RNF2: variants seen among roughly 807,000 people sequenced by gnomAD.
RNF2 encodes the protein ring finger protein 2.
Under a neutral mutation model 37.2 loss-of-function variants are expected in RNF2, and 6 were observed. The ratio of observed to expected loss-of-function variants is 0.16; its 90% CI spans 0.09 to 0.32. RNF2 has a LOEUF of 0.32. Among genes scored for constraint, RNF2 ranks in the 10% least tolerant of loss-of-function variants. The probability of loss-of-function intolerance (pLI) is 1.00; values close to 1 mark genes in which losing one functional copy is unlikely to be tolerated. For missense variants in RNF2, 251 were observed against 404.0 expected (o/e 0.62, Z 3.25); for synonymous variants, 133 against 132.7 (o/e 1.00, Z -0.02).
chr1:185,048,860 T>C (rs1220975726), intron 1 of RNF2, among the ~76,000 whole-genome samples: 2 of 152,124 alleles, frequency 1.3e-5, no homozygotes, highest in Non-Finnish European at 2.9e-5. Context: ...CATTGCAGTT[T>C]CTTGGTGTTT....
chr1:185,050,487 T>C (rs984032574), intron 1 of RNF2, among the ~76,000 whole-genome samples: 1 of 152,256 alleles, frequency 6.6e-6, no homozygotes, highest in Non-Finnish European at 1.5e-5. Context: ...ACATAATTAT[T>C]ATTTTGTATT....
intron 1 of RNF2, among the ~76,000 whole-genome samples, chr1:185,081,875 AG>A (rs1395392152): frequency 6.6e-6 from 1 of 152,192 alleles, no homozygotes; most frequent in Admixed American, 6.5e-5. Flanking sequence ...GCTGGGATTC[AG>A]AAAACTGTAG....
rs1652091741 is a variant in RNF2 at position 185,101,942 on chromosome 1, GTA to G, written c.*1644_*1645del. 1 of 144,320 alleles carries G rather than the reference GTA, an allele frequency of 6.9e-6. No individual in the cohort carries two copies. The highest frequency in any genetic ancestry group is 2.6e-5 in the African/African-American group (1 of 38,548). 8.9% of individuals were successfully genotyped at this position (144,320 alleles called of 1,614,324 possible). A position where few individuals can be genotyped will look rare whatever the true frequency, so the allele number is the denominator to read the frequency against. On this transcript the variant is annotated 3_prime_UTR_variant, in exon 7 of 7. Coordinates refer to ENST00000367510, the MANE Select transcript of RNF2 (RefSeq NM_007212.4). ...CCTTTTCTGGTGTAATGTTAAAGTT[GTA>G]TAGATTATTAATGCATGCCCACTGA... is the stretch of plus-strand genomic sequence containing the variant.
chr1:185,080,219 C>T (rs1651305490), intron 1 of RNF2, among the ~76,000 whole-genome samples: 1 of 152,082 alleles, frequency 6.6e-6, no homozygotes, highest in African/African-American at 2.4e-5. Context: ...ATGTTAGTAT[C>T]TATACATAGG....
intron 2 of RNF2, among the ~76,000 whole-genome samples, chr1:185,090,433 C>T (rs1361189034): frequency 2.0e-5 from 3 of 152,062 alleles, no homozygotes; most frequent in South Asian, 4.1e-4. Context: ...TGATAGTTTC[C>T]TAAATCAAGT....
chr1:185,066,222 C>G (rs1650795479), intron 1 of RNF2, among the ~76,000 whole-genome samples: 1 of 152,112 alleles, frequency 6.6e-6, no homozygotes, highest in Admixed American at 6.6e-5. Context: ...TTCTTGATAC[C>G]TTTGTATTGC....
chr1:185,053,966 C>A (rs996120094), intron 1 of RNF2, among the ~76,000 whole-genome samples: 4 of 152,240 alleles, frequency 2.6e-5, no homozygotes, highest in African/African-American at 7.2e-5. Context: ...TAGCAGCGTT[C>A]ACTTAACCAG....
chr1:185,067,576 A>T (rs1276934828), intron 1 of RNF2, among the ~76,000 whole-genome samples: 2 of 152,184 alleles, frequency 1.3e-5, no homozygotes, highest in African/African-American at 2.4e-5. Flanking sequence ...TGAGAGAAAA[A>T]CATATCTCAT....
At chr1:185,069,468 A>C (rs1650899469) in intron 1 of RNF2, among the ~76,000 whole-genome samples, 1 of 151,462 alleles carries the variant, frequency 6.6e-6, no homozygotes, top group Admixed American at 6.6e-5. Context: ...AAAAAAAAAA[A>C]AAAAAAAGAA....
chr1:185,092,884 A>T (rs1426788786), intron 3 of RNF2, among the ~76,000 whole-genome samples, 177 bp from the exon 4 acceptor site: 1 of 152,114 alleles, frequency 6.6e-6, no homozygotes, highest in African/African-American at 2.4e-5. Flanking sequence ...GGTTTCCAAA[A>T]TCTTGCTTAC....
At chr1:185,072,398 G>C (rs1557965634) in intron 1 of RNF2, among the ~76,000 whole-genome samples, 1 of 151,928 alleles carries the variant, frequency 6.6e-6, no homozygotes, top group African/African-American at 2.4e-5. Context: ...CAAGGTATTG[G>C]GGATATTGTG....
chr1:185,088,111 T>C (rs780282630), intron 2 of RNF2, among the ~76,000 whole-genome samples: 1 of 152,216 alleles, frequency 6.6e-6, no homozygotes, highest in Non-Finnish European at 1.5e-5. Flanking sequence ...ATGCCAACTA[T>C]AGATGATTTT....
chr1:185,084,540 C>T (rs552458035), intron 1 of RNF2, among the ~76,000 whole-genome samples: 59 of 152,292 alleles, frequency 3.9e-4, no homozygotes, highest in African/African-American at 1.4e-3. Context: ...TCTAGGGATG[C>T]TGTTTTCAAG....
intron 1 of RNF2, among the ~76,000 whole-genome samples, chr1:185,050,556 T>A (rs939698211): frequency 1.3e-5 from 2 of 152,378 alleles, no homozygotes; most frequent in Admixed American, 6.5e-5. Flanking sequence ...ACTTTTAGCT[T>A]AGTACTGTGC....
intron 1 of RNF2, among the ~76,000 whole-genome samples, chr1:185,072,493 T>G (rs1288462894): frequency 6.6e-6 from 1 of 151,984 alleles, no homozygotes; most frequent in Non-Finnish European, 1.5e-5. Context: ...AGATAAAGAA[T>G]TACAAGGTTA....
intron 2 of RNF2, among the ~76,000 whole-genome samples, chr1:185,090,141 C>T (rs558397623): frequency 6.6e-6 from 1 of 152,020 alleles, no homozygotes; most frequent in Non-Finnish European, 1.5e-5. Flanking sequence ...AGGCTGGTCT[C>T]GAACTTCTGA....
At chr1:185,059,977 G>A (rs1186961718) in intron 1 of RNF2, among the ~76,000 whole-genome samples, 1 of 152,166 alleles carries the variant, frequency 6.6e-6, no homozygotes, top group Non-Finnish European at 1.5e-5. Flanking sequence ...CAGAAAAGTA[G>A]AACTTGTTAG....
intron 4 of RNF2, 101 bp from the exon 5 acceptor site, chr1:185,097,971 A>G (rs1267902337): frequency 7.9e-7 from 1 of 1,268,042 alleles, no homozygotes; most frequent in Non-Finnish European, 1.1e-6. Flanking sequence ...AGTTACCAGT[A>G]TTTTTTGGAA....
intron 4 of RNF2, among the ~76,000 whole-genome samples, chr1:185,097,254 G>A (rs1651937960): frequency 6.6e-6 from 1 of 152,192 alleles, no homozygotes; most frequent in Admixed American, 6.5e-5. Flanking sequence ...TTAGAGAGCA[G>A]CTTCTGTGTC....
Sources: allele counts gnomAD v4.1 joint callset (sites outside exome capture counted in the v4.1 genomes callset), GRCh38; gene constraint gnomAD v4.1.1; transcripts MANE v1.5; gene names NCBI Gene and HGNC (gene_info 2026-07-23, HGNC 2026-07-21).